DUSP22: variants seen among roughly 807,000 people sequenced by gnomAD.
DUSP22 encodes dual specificity protein phosphatase 22.
A neutral mutation model predicts 24.5 loss-of-function variants in DUSP22; 24 were observed. The ratio of observed to expected loss-of-function variants is 0.98; its 90% CI spans 0.71 to 1.38. DUSP22 has a LOEUF of 1.38. Ranked by LOEUF, DUSP22 falls within the 40% of genes most tolerant of loss-of-function variation. DUSP22 has a pLI of 0.00. For missense variants in DUSP22, 330 were observed against 269.2 expected (o/e 1.23, Z -1.58); for synonymous variants, 160 against 106.4 (o/e 1.50, Z -3.10).
intron 3 of DUSP22, among the ~76,000 whole-genome samples, chr6:320,953 G>T (rs1018014334): frequency 6.6e-6 from 1 of 152,302 alleles, no homozygotes; most frequent in Non-Finnish European, 1.5e-5. Flanking sequence ...AGTGAGATGT[G>T]TCCCAACATT....
chr6:297,421 G>A (rs1366902048), intron 1 of DUSP22, among the ~76,000 whole-genome samples: 5 of 152,304 alleles, frequency 3.3e-5, no homozygotes, highest in African/African-American at 9.6e-5. Context: ...GGAAGATGAG[G>A]GAGTATAGTT....
intron 1 of DUSP22, among the ~76,000 whole-genome samples, chr6:301,145 C>A (rs1757563169): frequency 6.6e-6 from 1 of 152,308 alleles, no homozygotes; most frequent in Admixed American, 6.5e-5. Context: ...TGCTTCCCAC[C>A]AAGACTCCCT....
At chr6:345,510 A>G (rs1374173580) in intron 4 of DUSP22, among the ~76,000 whole-genome samples, 2 of 152,300 alleles carry the variant, frequency 1.3e-5, no homozygotes, top group African/African-American at 2.4e-5. Context: ...GCACCCAGCC[A>G]TGTTCTGGTT....
chr6:316,255 C>G (rs1481359468), intron 3 of DUSP22, among the ~76,000 whole-genome samples: 2 of 152,308 alleles, frequency 1.3e-5, no homozygotes, highest in Admixed American at 6.5e-5. Context: ...GGTCTTCCTG[C>G]CAGCCATAGC....
chr6:312,169 C>T (rs1352796393), intron 3 of DUSP22, among the ~76,000 whole-genome samples: 2 of 152,310 alleles, frequency 1.3e-5, no homozygotes, highest in Non-Finnish European at 2.9e-5. Context: ...TGATCACACT[C>T]CTGCTGCATT....
intron 3 of DUSP22, among the ~76,000 whole-genome samples, chr6:322,832 GGGC>G (rs202053293): frequency 0.31 from 40,889 of 131,348 alleles, 4,246 homozygotes; most frequent in Non-Finnish European, 0.39. Context: ...CTGCTTGGTG[GGGC>G]GGGGGGGGGC....
At chr6:316,688 A>C (rs1158071119) in intron 3 of DUSP22, among the ~76,000 whole-genome samples, 4 of 152,294 alleles carry the variant, frequency 2.6e-5, no homozygotes, top group African/African-American at 4.8e-5. Flanking sequence ...TCGGTGTTTC[A>C]TTTTTCATTT....
In DUSP22 at chr6:350,551, T is replaced by C; in HGVS notation, c.*1600T>C. ...TTTTTGGGGACCGGGAAAAACAAAG[T>C]TGCCTGATTCCGCGCAGGTGCACAG... On this transcript the variant is annotated 3_prime_UTR_variant, in exon 7 of 7. Coordinates refer to ENST00000419235, the MANE Select transcript of DUSP22 (RefSeq NM_001286555.3). 1 of 1,360,036 alleles carries C rather than the reference T, an allele frequency of 7.4e-7. No homozygotes were observed. Among genetic ancestry groups the C allele is most frequent in the South Asian group, 1.7e-5 (1 of 60,502 alleles). 84.2% of individuals were successfully genotyped at this position (1,360,036 alleles called of 1,614,324 possible). A position where few individuals can be genotyped will look rare whatever the true frequency, so the allele number is the denominator to read the frequency against.
intron 4 of DUSP22, among the ~76,000 whole-genome samples, chr6:338,620 A>G (rs980544890): frequency 1.1e-4 from 17 of 152,410 alleles, no homozygotes; most frequent in Non-Finnish European, 1.9e-4. Flanking sequence ...GGACCTAAAC[A>G]ATTTGAAATA....
chr6:292,666 G>C (rs538590483), intron 1 of DUSP22, 106 bp downstream of exon 1: 4 of 1,446,350 alleles, frequency 2.8e-6, no homozygotes, highest in African/African-American at 1.4e-5. Flanking sequence ...CCTTTCCCGC[G>C]GTGGGGACGG....
At chr6:297,634 G>C (rs546352426) in intron 1 of DUSP22, among the ~76,000 whole-genome samples, 761 of 152,186 alleles carry the variant, frequency 5.0e-3, no homozygotes, top group Non-Finnish European at 7.5e-3. Context: ...TGTCCCTGAT[G>C]TTGGCAGATA....
chr6:322,261 C>G (rs537455029), intron 3 of DUSP22, among the ~76,000 whole-genome samples: 1 of 152,308 alleles, frequency 6.6e-6, no homozygotes, highest in East Asian at 1.9e-4. Flanking sequence ...CCTCCAGCGT[C>G]TTGCTTTTAT....
intron 4 of DUSP22, among the ~76,000 whole-genome samples, chr6:344,839 G>A (rs919686011): frequency 1.4e-4 from 21 of 152,414 alleles, no homozygotes; most frequent in African/African-American, 4.6e-4. Context: ...CAGATTGCCA[G>A]GAGTAAATCA....
chr6:348,501 T>C (rs1581197107), intron 6 of DUSP22: 1 of 856,642 alleles, frequency 1.2e-6, no homozygotes, highest in South Asian at 1.8e-5. Context: ...TGCCTGGTAC[T>C]CCCTACTAGT....
chr6:301,062 C>T (rs1236174871), intron 1 of DUSP22, among the ~76,000 whole-genome samples: 1 of 152,312 alleles, frequency 6.6e-6, no homozygotes, highest in Non-Finnish European at 1.5e-5. Context: ...ACGTGGGTCA[C>T]ACCCATGTAG....
chr6:347,510 T>G (rs1277907285), intron 5 of DUSP22, among the ~76,000 whole-genome samples: 3 of 152,300 alleles, frequency 2.0e-5, no homozygotes, highest in Admixed American at 2.0e-4. Context: ...TAACTGACCC[T>G]AACCGTTACT....
chr6:309,097 C>G (rs1453017163), intron 2 of DUSP22, among the ~76,000 whole-genome samples: 2 of 152,306 alleles, frequency 1.3e-5, no homozygotes, highest in African/African-American at 4.8e-5. Flanking sequence ...ACGATTCTAG[C>G]TTCTGCCTAA....
At chr6:320,688 C>G (rs1331899012) in intron 3 of DUSP22, among the ~76,000 whole-genome samples, 1 of 152,262 alleles carries the variant, frequency 6.6e-6, no homozygotes, top group Non-Finnish European at 1.5e-5. Flanking sequence ...CCTTATAGGA[C>G]TAGTGCGGTT....
chr6:295,934 T>C (rs1264126782), intron 1 of DUSP22, among the ~76,000 whole-genome samples: 7 of 152,276 alleles, frequency 4.6e-5, no homozygotes, highest in African/African-American at 1.7e-4. Context: ...GAATGGAGAT[T>C]TGGAGAGGTT....
Sources: gnomAD v4.1 joint callset for allele counts (sites outside exome capture counted in the v4.1 genomes callset) on GRCh38, gnomAD v4.1.1 for gene constraint, MANE v1.5 for transcripts, NCBI Gene and HGNC (gene_info 2026-07-23, HGNC 2026-07-21) for gene names.